IL19: variants seen among roughly 807,000 people sequenced by gnomAD.
IL19 encodes interleukin-19.
Under a neutral mutation model 19.5 loss-of-function variants are expected in IL19, and 15 were observed. The observed-to-expected ratio is 0.77, with a 90% CI of 0.52 to 1.19. The LOEUF (loss-of-function observed/expected upper bound fraction) is 1.19, where lower values mean the gene tolerates loss of function less well. Among genes scored for constraint, IL19 ranks in the 50% most tolerant of loss-of-function variants. The pLI, the probability that IL19 is intolerant of heterozygous loss-of-function variation, is 0.00. For synonymous variants in IL19, 78 were observed against 78.3 expected (o/e 1.00, Z 0.02); for missense variants, 199 against 213.1 (o/e 0.93, Z 0.41).
Position 206,842,827 on chromosome 1 carries a change from G to C in IL19, c.*205G>C. The stretch of plus-strand genomic sequence containing the variant: ...TGTAATAAACTCTATCTGCTGAAAG[G>C]GCCTGCAGGCCATCCTGGGAGTAAA... On this transcript the variant is annotated 3_prime_UTR_variant, in exon 7 of 7. Transcript: ENST00000659997. 1 of 482,198 alleles carries C rather than the reference G, an allele frequency of 2.1e-6. No individual in the cohort carries two copies. The highest frequency in any genetic ancestry group is 3.7e-6 in the Non-Finnish European group (1 of 268,966). 29.9% of individuals were successfully genotyped at this position (482,198 alleles called of 1,614,324 possible). A position where few individuals can be genotyped will look rare whatever the true frequency, so the allele number is the denominator to read the frequency against.
intron 2 of IL19, among the ~76,000 whole-genome samples, chr1:206,800,416 A>G (rs781670901): frequency 7.2e-5 from 11 of 152,260 alleles, no homozygotes; most frequent in Non-Finnish European, 1.5e-4. Context: ...GCTGTGCAAC[A>G]TGACAGTATT....
intron 1 of IL19, among the ~76,000 whole-genome samples, chr1:206,776,038 T>A (rs530424802): frequency 2.0e-5 from 3 of 152,198 alleles, no homozygotes; most frequent in Non-Finnish European, 4.4e-5. Flanking sequence ...CAGTGGGGGA[T>A]GTACTGGGAA....
intron 2 of IL19, among the ~76,000 whole-genome samples, chr1:206,831,403 G>A (rs1676606265): frequency 6.6e-6 from 1 of 152,138 alleles, no homozygotes; most frequent in South Asian, 2.1e-4. Flanking sequence ...ATGCAACCTT[G>A]TGTCTGGAGA....
chr1:206,790,617 G>A (rs1675376669), intron 1 of IL19, among the ~76,000 whole-genome samples: 1 of 152,186 alleles, frequency 6.6e-6, no homozygotes, highest in Admixed American at 6.5e-5. Flanking sequence ...ATTTGGTTGT[G>A]GCACTCTTGG....
intron 1 of IL19, among the ~76,000 whole-genome samples, chr1:206,777,528 G>A (rs1279508272): frequency 2.0e-5 from 3 of 152,212 alleles, no homozygotes; most frequent in African/African-American, 7.2e-5. Flanking sequence ...CCAAGAGTGG[G>A]GAGCAGGCTA....
intron 1 of IL19, among the ~76,000 whole-genome samples, chr1:206,791,229 T>C (rs1675394761): frequency 1.3e-5 from 2 of 151,842 alleles, no homozygotes; most frequent in African/African-American, 4.8e-5. Flanking sequence ...GAAAGTCATT[T>C]GTTCATTATC....
At chr1:206,775,295 G>T (rs1054636268) in intron 1 of IL19, among the ~76,000 whole-genome samples, 1 of 151,824 alleles carries the variant, frequency 6.6e-6, no homozygotes, top group African/African-American at 2.4e-5. Flanking sequence ...CTTATGATCC[G>T]CCCGCCTTGG....
chr1:206,840,698 T>G, intron 5 of IL19: 1 of 306,672 alleles, frequency 3.3e-6, no homozygotes, highest in Non-Finnish European at 6.1e-6. Context: ...ATTTAACAAA[T>G]GTTTGTTGAG....
chr1:206,811,068 C>T (rs181784380), intron 2 of IL19, among the ~76,000 whole-genome samples: 153 of 152,246 alleles, frequency 1.0e-3, no homozygotes, highest in Non-Finnish European at 1.7e-3. Context: ...TATAAAGTAT[C>T]CAGCCTCAGG....
At chr1:206,836,151 A>G (rs891735582) in intron 2 of IL19, among the ~76,000 whole-genome samples, 2 of 152,244 alleles carry the variant, frequency 1.3e-5, no homozygotes, top group East Asian at 1.9e-4. Flanking sequence ...CTGGCTTCAA[A>G]CAAATGATTT....
chr1:206,838,050 T>A (rs772499532), intron 4 of IL19, among the ~76,000 whole-genome samples: 1 of 152,162 alleles, frequency 6.6e-6, no homozygotes, highest in Non-Finnish European at 1.5e-5. Flanking sequence ...ATAGCAGCAA[T>A]AGAGAGTCAA....
chr1:206,819,580 T>A (rs1397951811), intron 2 of IL19, among the ~76,000 whole-genome samples: 3 of 145,276 alleles, frequency 2.1e-5, no homozygotes, highest in African/African-American at 5.1e-5. Flanking sequence ...AGACTCCGTC[T>A]AAAAAAAAAA....
intron 1 of IL19, among the ~76,000 whole-genome samples, chr1:206,789,731 C>T (rs1246600738): frequency 6.6e-6 from 1 of 152,090 alleles, no homozygotes; most frequent in African/African-American, 2.4e-5. Flanking sequence ...CCTTTCCCTC[C>T]TCCCACCCTC....
chr1:206,831,511 G>A (rs1676609001), intron 2 of IL19, among the ~76,000 whole-genome samples: 1 of 152,174 alleles, frequency 6.6e-6, no homozygotes, highest in Non-Finnish European at 1.5e-5. Context: ...CAAGGCTTAA[G>A]ATGAAGAGAA....
At chr1:206,837,641 G>A (rs1410483568) in intron 4 of IL19, among the ~76,000 whole-genome samples, 3 of 152,060 alleles carry the variant, frequency 2.0e-5, no homozygotes, top group Non-Finnish European at 4.4e-5. Context: ...CTTGAGATCG[G>A]GGCTTGAGAC....
At chr1:206,829,744 T>G (rs560751148) in intron 2 of IL19, among the ~76,000 whole-genome samples, 2 of 152,140 alleles carry the variant, frequency 1.3e-5, no homozygotes, top group African/African-American at 4.8e-5. Context: ...TTGGGCTCTT[T>G]CCATTACTAT....
intron 1 of IL19, among the ~76,000 whole-genome samples, chr1:206,781,607 A>G (rs577485607): frequency 6.6e-6 from 1 of 151,446 alleles, no homozygotes; most frequent in South Asian, 2.1e-4. Context: ...TCACACATGA[A>G]GATGCAGTTG....
chr1:206,794,165 C>A lies in IL19; in HGVS notation c.-148-4696C>A, dbSNP rs1332759436. Among the ~76,000 whole-genome samples the A allele has an allele frequency of 4.6e-5, 7 of 152,188 alleles. No homozygotes were observed. The East Asian group carries it at 1.3e-3, about 29-fold the overall frequency. On this transcript the variant is annotated intron_variant, in intron 1 of 6. Coordinates refer to ENST00000659997, the MANE Select transcript of IL19 (RefSeq NM_153758.5). ...TCCCCAGTTTGGTCATTGGGAGAGACTTCTCATTGGCCACCAGAACAACTC... is the reference window on the plus strand; with the variant it reads ...TCCCCAGTTTGGTCATTGGGAGAGAATTCTCATTGGCCACCAGAACAACTC...
In IL19 at chr1:206,770,842, T is replaced by G; in HGVS notation, c.-385T>G. The G allele has an allele frequency of 6.7e-7, 1 of 1,488,568 alleles. No individual in the cohort carries two copies. The highest frequency in any genetic ancestry group is 9.4e-7 in the Non-Finnish European group (1 of 1,064,680). The allele number at this position is 1,488,568 out of a possible 1,614,324, so 92.2% of individuals were successfully genotyped here. A position where few individuals can be genotyped will look rare whatever the true frequency, so the allele number is the denominator to read the frequency against. On this transcript the variant is annotated 5_prime_UTR_variant, in exon 1 of 7. Coordinates refer to ENST00000659997, the MANE Select transcript of IL19 (RefSeq NM_153758.5). The stretch of plus-strand genomic sequence containing the variant: ...CTGTGTCTGTGGATGTGAGTGTCCC[T>G]GCTGGTCTGTAGGAGATGGTATTTT...
Sources: gnomAD v4.1 joint callset for allele counts (sites outside exome capture counted in the v4.1 genomes callset) on GRCh38, gnomAD v4.1.1 for gene constraint, MANE v1.5 for transcripts, NCBI Gene and HGNC (gene_info 2026-07-23, HGNC 2026-07-21) for gene names.